CHD2: variants seen among roughly 807,000 people sequenced by gnomAD.
The protein encoded by CHD2 is ATP-dependent chromatin remodeler CHD2.
In CHD2, 28 loss-of-function variants were observed where a neutral mutation model predicts 243.9. The ratio of observed to expected loss-of-function variants is 0.11; its 90% CI spans 0.09 to 0.16. The LOEUF (loss-of-function observed/expected upper bound fraction) is 0.16, where lower values mean the gene tolerates loss of function less well. CHD2 is among the 10% of genes least tolerant of loss of function. The pLI is 1.00. For missense variants in CHD2, 1,386 were observed against 2,209.8 expected (o/e 0.63, Z 7.47); for synonymous variants, 775 against 779.0 (o/e 0.99, Z 0.09).
intron 37 of CHD2, among the ~76,000 whole-genome samples, chr15:93,018,835 A>G (rs1346029329): frequency 6.6e-6 from 1 of 152,180 alleles, no homozygotes; most frequent in Non-Finnish European, 1.5e-5. Context: ...CTGTCCTGGA[A>G]TTTGTAGCCC....
At chr15:92,955,357 C>A in intron 14 of CHD2, 66 bp from the exon 15 acceptor site, 1 of 955,360 alleles carries the variant, frequency 1.0e-6, no homozygotes, top group Non-Finnish European at 1.5e-6. Flanking sequence ...ACATCAATCA[C>A]AAAACTTATG....
At chr15:92,965,614 G>T (rs2053751584) in intron 16 of CHD2, among the ~76,000 whole-genome samples, 1 of 143,706 alleles carries the variant, frequency 7.0e-6, no homozygotes, top group Non-Finnish European at 1.5e-5. Flanking sequence ...GAATCTGATG[G>T]TAAATATTTT....
chr15:92,942,801 G>A, intron 8 of CHD2, 42 bp from the exon 9 acceptor site: 4 of 1,473,592 alleles, frequency 2.7e-6, no homozygotes, highest in Admixed American at 2.3e-5. Flanking sequence ...TTAATATCTG[G>A]TGTAATATAC....
In CHD2 at chr15:92,950,079, G is replaced by GT. The variant is rs200566428; in HGVS notation, c.1502+1004dup. ...AATAACATTTCCAAATAAGGAAGGGGTGTAGGCTGTAAGCTGGGAAATGCC... is the reference window on the plus strand; with the variant it reads ...AATAACATTTCCAAATAAGGAAGGGGTTGTAGGCTGTAAGCTGGGAAATGCC... On this transcript the variant is annotated intron_variant, in intron 13 of 38. Coordinates refer to ENST00000394196, the MANE Select transcript of CHD2 (RefSeq NM_001271.4). 3.9e-3 allele frequency among the ~76,000 whole-genome samples: 593 copies of GT among 152,338 alleles called. 5 individuals are homozygous for GT. The highest frequency in any genetic ancestry group is 0.014 in the African/African-American group (575 of 41,570).
intron 2 of CHD2, chr15:92,904,596 C>A: frequency 9.0e-7 from 1 of 1,115,366 alleles, no homozygotes; most frequent in Non-Finnish European, 1.1e-6. Flanking sequence ...GCGGTCCGCA[C>A]CCTGTAGTGT....
In CHD2 at chr15:93,002,073, A is replaced by G. The variant is rs1270242737; in HGVS notation, c.4138-104A>G. On this transcript the variant is annotated intron_variant, in intron 32 of 38. Transcript: ENST00000394196. ...TTTGCTTGAAAACAAGCTTCTAAGT[A>G]TAGACAGTGATGAACCACTGGGGGC... is the stretch of plus-strand genomic sequence containing the variant. 33 of 1,441,470 alleles carry G rather than the reference A, an allele frequency of 2.3e-5. No individual in the cohort carries two copies. The Middle Eastern group carries it at 7.5e-4, about 33-fold the overall frequency. The allele number at this position is 1,441,470 out of a possible 1,614,324, so 89.3% of individuals were successfully genotyped here. A position where few individuals can be genotyped will look rare whatever the true frequency, so the allele number is the denominator to read the frequency against.
intron 38 of CHD2, chr15:93,020,959 C>T (rs1334467451): frequency 2.6e-5 from 4 of 152,398 alleles, no homozygotes; most frequent in Non-Finnish European, 4.4e-5. Flanking sequence ...AGCTGAGTAG[C>T]TGCCACCTCG....
chr15:92,964,296 G>T (rs1286956228), intron 16 of CHD2, among the ~76,000 whole-genome samples: 1 of 152,156 alleles, frequency 6.6e-6, no homozygotes, highest in South Asian at 2.1e-4. Context: ...CAAAATTGTT[G>T]TTCACAAAGA....
intron 34 of CHD2, among the ~76,000 whole-genome samples, chr15:93,008,920 G>T (rs1029567121): frequency 2.6e-5 from 4 of 152,162 alleles, no homozygotes; most frequent in Non-Finnish European, 5.9e-5. Context: ...TAAGTAAGGC[G>T]TGAAGGGTTA....
chr15:92,944,396 C>T lies in CHD2; in HGVS notation c.1053-19C>T. ...AGACTTTAGTTTATGTGTACTTTTT[C>T]TGTCTGTCTGCCATTCAGGTTAGGG... On this transcript the variant is annotated intron_variant, in intron 9 of 38. Transcript: ENST00000394196. The T allele has an allele frequency of 7.0e-7, 1 of 1,435,900 alleles. No homozygotes were observed. The highest frequency in any genetic ancestry group is 9.8e-7 in the Non-Finnish European group (1 of 1,023,236). The allele number at this position is 1,435,900 out of a possible 1,614,324, so 88.9% of individuals were successfully genotyped here.
At chr15:92,923,500 TCTTC>T (rs1420366996) in intron 2 of CHD2, among the ~76,000 whole-genome samples, 1 of 151,962 alleles carries the variant, frequency 6.6e-6, no homozygotes, top group African/African-American at 2.4e-5. Context: ...GCTCAAGCAA[TCTTC>T]CTGCCTAGGC....
At chr15:92,995,972 A>T (rs965281270) in intron 28 of CHD2, among the ~76,000 whole-genome samples, 1 of 152,122 alleles carries the variant, frequency 6.6e-6, no homozygotes, top group African/African-American at 2.4e-5. Context: ...AAGGTTGTAC[A>T]TCTCTAAGGG....
chr15:92,942,087 C>T, intron 8 of CHD2, 132 bp downstream of exon 8: 2 of 833,258 alleles, frequency 2.4e-6, no homozygotes, highest in Non-Finnish European at 3.8e-6. Context: ...GTCTTTCTGA[C>T]CCAGTGTTTC....
chr15:92,953,004 G>A (rs1352372959), intron 13 of CHD2, among the ~76,000 whole-genome samples: 1 of 152,216 alleles, frequency 6.6e-6, no homozygotes, highest in African/African-American at 2.4e-5. Context: ...CTCTATTGAT[G>A]GAGTCTAAGG....
At chr15:93,014,969 G>A (rs889393333) in intron 37 of CHD2, 60 bp downstream of exon 37, 694 of 1,393,674 alleles carry the variant, frequency 5.0e-4, no homozygotes, top group Admixed American at 7.3e-4. Flanking sequence ...TCACACAGCC[G>A]TTTCATTTTC....
intron 38 of CHD2, among the ~76,000 whole-genome samples, chr15:93,023,112 C>T (rs2054552379): frequency 6.6e-6 from 1 of 152,218 alleles, no homozygotes; most frequent in Admixed American, 6.5e-5. Context: ...GCAGCCACCA[C>T]TTCTATCTAG....
chr15:92,973,753 A>C (rs2141837930), intron 19 of CHD2, among the ~76,000 whole-genome samples: 1 of 152,352 alleles, frequency 6.6e-6, no homozygotes, highest in Non-Finnish European at 1.5e-5. Flanking sequence ...TCAAGAATGC[A>C]TCGTTTTTCT....
intron 16 of CHD2, among the ~76,000 whole-genome samples, chr15:92,957,287 TA>T (rs2141817393): frequency 6.6e-6 from 1 of 152,362 alleles, no homozygotes; most frequent in South Asian, 2.1e-4. Context: ...TTCTGTCCCT[TA>T]AACATGCCAA....
chr15:92,965,565 C>CAAAAAAAAAAAAAAA (rs61447848), intron 16 of CHD2, among the ~76,000 whole-genome samples: 7 of 111,046 alleles, frequency 6.3e-5, no homozygotes, highest in South Asian at 2.9e-4. Flanking sequence ...ACTCTTTCTC[C>CAAAAAAAAAAAAAAA]AAAAAAAAAA....
Sources: allele counts gnomAD v4.1 joint callset (sites outside exome capture counted in the v4.1 genomes callset), GRCh38; gene constraint gnomAD v4.1.1; transcripts MANE v1.5; gene names NCBI Gene and HGNC (gene_info 2026-07-23, HGNC 2026-07-21).